Variants in UPP2 observed in about 807,000 individuals in gnomAD.
The protein encoded by UPP2 is uridine phosphorylase 2, also known as UPase 2.
Under a neutral mutation model 26.7 loss-of-function variants are expected in UPP2, and 23 were observed. The observed-to-expected ratio is 0.86, with a 90% CI of 0.62 to 1.22. The LOEUF (loss-of-function observed/expected upper bound fraction) is 1.22, where lower values mean the gene tolerates loss of function less well. UPP2 is among the 50% of genes most tolerant of loss of function. The probability of loss-of-function intolerance (pLI) is 0.00; values close to 1 mark genes in which losing one functional copy is unlikely to be tolerated. For synonymous variants in UPP2, 127 were observed against 141.3 expected (o/e 0.90, Z 0.72); for missense variants, 387 against 396.7 (o/e 0.98, Z 0.21).
chr2:158,135,068 A>G lies in UPP2; in HGVS notation c.*178A>G. 1 of 693,848 alleles carries G rather than the reference A, an allele frequency of 1.4e-6. No individual in the cohort carries two copies. Among genetic ancestry groups the G allele is most frequent in the Non-Finnish European group, 2.1e-6 (1 of 475,826 alleles). The allele number at this position is 693,848 out of a possible 1,614,324, so 43.0% of individuals were successfully genotyped here. ...TTATTGTAAAAGAATACTCACACTA[A>G]ATTAAATTCAAATTTCATTTTAGAA... On this transcript the variant is annotated 3_prime_UTR_variant, in exon 7 of 7. Transcript: ENST00000005756.
chr2:158,135,466 T>C lies in UPP2; in HGVS notation c.*576T>C, dbSNP rs1683912722. 6.6e-6 allele frequency: 1 copy of C among 152,226 alleles called. No individual in the cohort carries two copies. The highest frequency in any genetic ancestry group is 2.1e-4 in the South Asian group (1 of 4,834). 9.4% of individuals were successfully genotyped at this position (152,226 alleles called of 1,614,324 possible). ...GAGATTTACATATGCCTGTTTGTGA[T>C]TTTATCTCAGAATATAACAACTCTG... On this transcript the variant is annotated 3_prime_UTR_variant, in exon 7 of 7. Coordinates refer to ENST00000005756, the MANE Select transcript of UPP2 (RefSeq NM_173355.4).
At chr2:158,030,978 A>T (rs1394873718) in intron 3 of UPP2, among the ~76,000 whole-genome samples, 1 of 151,980 alleles carries the variant, frequency 6.6e-6, no homozygotes, top group Non-Finnish European at 1.5e-5. Flanking sequence ...ACTTTAGGCC[A>T]GTCAGTTCCC....
intron 4 of UPP2, among the ~76,000 whole-genome samples, chr2:158,120,522 T>C (rs1052807894): frequency 2.0e-5 from 3 of 152,060 alleles, no homozygotes; most frequent in African/African-American, 7.2e-5. Flanking sequence ...TTCTTGACTT[T>C]ATAGAGTTTA....
chr2:158,064,439 G>GT (rs993630015), intron 3 of UPP2, among the ~76,000 whole-genome samples: 40 of 149,956 alleles, frequency 2.7e-4, no homozygotes, highest in Middle Eastern at 3.4e-3. Flanking sequence ...CTTTTTGATG[G>GT]TTTTTTTTTT....
At chr2:158,035,636 A>T (rs1683989782) in intron 3 of UPP2, among the ~76,000 whole-genome samples, 2 of 152,324 alleles carry the variant, frequency 1.3e-5, no homozygotes, top group East Asian at 3.9e-4. Flanking sequence ...CTGGCCAATC[A>T]GAGTCTACCT....
intron 3 of UPP2, among the ~76,000 whole-genome samples, chr2:158,047,742 C>T (rs546806400): frequency 1.8e-4 from 27 of 152,292 alleles, no homozygotes; most frequent in South Asian, 1.0e-3. Flanking sequence ...AGCATATCAT[C>T]CTTTATCCTA....
intron 3 of UPP2, among the ~76,000 whole-genome samples, chr2:158,060,111 T>C (rs1422420987): frequency 6.6e-6 from 1 of 152,102 alleles, no homozygotes; most frequent in African/African-American, 2.4e-5. Flanking sequence ...CACACATGCA[T>C]GCACACAGGC....
At chr2:158,104,961 G>GGAAGGGAAGA (rs1683152392) in intron 1 of UPP2, among the ~76,000 whole-genome samples, 1 of 75,856 alleles carries the variant, frequency 1.3e-5, no homozygotes, top group African/African-American at 7.9e-5. Context: ...GGAAGGGAAG[G>GGAAGGGAAGA]GAAGGGAAGG....
intron 2 of UPP2, among the ~76,000 whole-genome samples, chr2:158,003,314 T>C (rs944083883): frequency 1.6e-4 from 25 of 152,092 alleles, no homozygotes; most frequent in Admixed American, 1.2e-3. Context: ...CTGCCAGGGA[T>C]AGGGACAGTG....
At chr2:158,010,462 G>A (rs1279696548) in intron 2 of UPP2, among the ~76,000 whole-genome samples, 1 of 152,102 alleles carries the variant, frequency 6.6e-6, no homozygotes, top group Non-Finnish European at 1.5e-5. Flanking sequence ...TTGCATAACA[G>A]CCCCATCTTG....
intron 4 of UPP2, among the ~76,000 whole-genome samples, chr2:158,118,519 G>A (rs1447108416): frequency 6.6e-6 from 1 of 151,946 alleles, no homozygotes; most frequent in African/African-American, 2.4e-5. Flanking sequence ...TCTTAGGCCT[G>A]TCAGTCAGCT....
At chr2:158,122,702 AT>A (rs1366640678) in intron 5 of UPP2, among the ~76,000 whole-genome samples, 24 of 149,420 alleles carry the variant, frequency 1.6e-4, no homozygotes, top group African/African-American at 5.8e-4. Context: ...AATAACTAGC[AT>A]TTAAAAATGT....
intron 3 of UPP2, among the ~76,000 whole-genome samples, chr2:158,117,094 G>A (rs73966262): frequency 0.043 from 6,609 of 152,082 alleles, 473 homozygotes; most frequent in African/African-American, 0.15. Context: ...TTTGAAATCA[G>A]TTCCAGTTTC....
At chr2:158,114,003 T>G (rs910348784) in intron 2 of UPP2, among the ~76,000 whole-genome samples, 3 of 152,230 alleles carry the variant, frequency 2.0e-5, no homozygotes, top group African/African-American at 4.8e-5. Flanking sequence ...AATCTCACGT[T>G]CTTCTTTCAA....
intron 3 of UPP2, among the ~76,000 whole-genome samples, chr2:158,096,673 T>C (rs187286952): frequency 6.6e-6 from 1 of 152,298 alleles, no homozygotes; most frequent in Admixed American, 6.5e-5. Flanking sequence ...TGCTGTAATG[T>C]CATATAACAG....
intron 6 of UPP2, among the ~76,000 whole-genome samples, chr2:158,129,387 T>G (rs1553471570): frequency 6.6e-6 from 1 of 152,094 alleles, no homozygotes; most frequent in Non-Finnish European, 1.5e-5. Flanking sequence ...ACAGCAGGTT[T>G]TTGAACGAAC....
At chr2:158,116,311 A>G (rs1317359208) in intron 3 of UPP2, among the ~76,000 whole-genome samples, 2 of 152,216 alleles carry the variant, frequency 1.3e-5, no homozygotes, top group East Asian at 1.9e-4. Context: ...TCTTACCAAC[A>G]TTTAGTGGAC....
rs190936748 is a variant in UPP2, at chr2:158,022,234, C to T, written c.147+6348C>T. Among the ~76,000 whole-genome samples the T allele has an allele frequency of 2.2e-4, 33 of 151,894 alleles. No homozygotes were observed. In the East Asian group the frequency reaches 5.8e-3, roughly 27 times the overall value. Reference sequence around the variant, plus strand: ...CAGCACTTTGGGAGGCCGAGGCGGGCGAATCACGACGTCAGGAGTTCGAGA... The same window carrying T: ...CAGCACTTTGGGAGGCCGAGGCGGGTGAATCACGACGTCAGGAGTTCGAGA... On this transcript the variant is annotated intron_variant, in intron 3 of 9. Coordinates refer to the UPP2 transcript ENST00000605860.
chr2:158,097,379 CTA>C (rs567902944), upstream of UPP2, among the ~76,000 whole-genome samples: 31 of 149,538 alleles, frequency 2.1e-4, no homozygotes, highest in African/African-American at 3.4e-4. Flanking sequence ...GTTTCTCTCT[CTA>C]TATATATATA....
Sources: gnomAD v4.1 joint callset for allele counts (sites outside exome capture counted in the v4.1 genomes callset) on GRCh38, gnomAD v4.1.1 for gene constraint, MANE v1.5 for transcripts, NCBI Gene and HGNC (gene_info 2026-07-23, HGNC 2026-07-21) for gene names.